The following TM2D1 variants were observed in gnomAD, a reference collection of about 807,000 sequenced individuals.
TM2D1 encodes TM2 domain-containing protein 1.
TM2D1 carries 15 observed loss-of-function variants against 28.4 expected under a neutral mutation model. The observed-to-expected ratio is 0.53, with a 90% CI of 0.35 to 0.81. The LOEUF (loss-of-function observed/expected upper bound fraction) is 0.81. Ranked by LOEUF, TM2D1 falls within the 40% of genes least tolerant of loss-of-function variation. The pLI, the probability that TM2D1 is intolerant of heterozygous loss-of-function variation, is 0.01. For synonymous variants in TM2D1, 93 were observed against 96.2 expected (o/e 0.97, Z 0.20); for missense variants, 236 against 254.9 (o/e 0.93, Z 0.50).
chr1:61,713,482 C>CA (rs1408870622), intron 2 of TM2D1, among the ~76,000 whole-genome samples: 49 of 29,752 alleles, frequency 1.6e-3, no homozygotes, highest in African/African-American at 6.2e-3. Flanking sequence ...CCCCGCAACT[C>CA]AAAAACAAAA....
chr1:61,688,803 G>A (rs934466625), intron 5 of TM2D1, among the ~76,000 whole-genome samples: 1 of 148,320 alleles, frequency 6.7e-6, no homozygotes, highest in Non-Finnish European at 1.5e-5. Context: ...CCAGCACTGT[G>A]GGAGGTTGAG....
chr1:61,705,667 T>C (rs1307173319), intron 3 of TM2D1, among the ~76,000 whole-genome samples: 2 of 152,134 alleles, frequency 1.3e-5, no homozygotes, highest in African/African-American at 4.8e-5. Flanking sequence ...TCTGCTGCCT[T>C]AGTGGAAAGG....
intron 3 of TM2D1, among the ~76,000 whole-genome samples, chr1:61,706,258 A>G (rs1644439536): frequency 6.6e-6 from 1 of 152,134 alleles, no homozygotes; most frequent in South Asian, 2.1e-4. Flanking sequence ...GCTGTAGTGC[A>G]GTAGCCATGA....
At chr1:61,719,447 G>A (rs1644544937) in intron 2 of TM2D1, among the ~76,000 whole-genome samples, 2 of 151,286 alleles carry the variant, frequency 1.3e-5, no homozygotes, top group African/African-American at 4.9e-5. Flanking sequence ...GTTAACAATT[G>A]GTCAATCTGG....
At chr1:61,709,493 G>A (rs968274868) in intron 2 of TM2D1, 56 bp from the exon 3 acceptor site, 16 of 1,244,928 alleles carry the variant, frequency 1.3e-5, no homozygotes, top group Middle Eastern at 1.9e-4. Flanking sequence ...GAAACAGTAT[G>A]TAATTGTTCT....
intron 5 of TM2D1, among the ~76,000 whole-genome samples, chr1:61,685,993 A>T (rs1287782191): frequency 2.0e-5 from 3 of 152,186 alleles, no homozygotes; most frequent in Non-Finnish European, 4.4e-5. Context: ...AGCCTGGGTG[A>T]CAAAATGCAA....
At chr1:61,698,144 A>G (rs1308772579) in intron 4 of TM2D1, 2 of 152,164 alleles carry the variant, frequency 1.3e-5, no homozygotes, top group Non-Finnish European at 2.9e-5. Context: ...TCCCTACTGA[A>G]CATTTAGCCT....
chr1:61,692,679 T>C (rs1183601817), intron 5 of TM2D1, among the ~76,000 whole-genome samples: 3 of 152,156 alleles, frequency 2.0e-5, no homozygotes, highest in Non-Finnish European at 4.4e-5. Flanking sequence ...GAGGATCGCT[T>C]AAGCCCAGGA....
chr1:61,681,876 T>G (rs1644245884), intron 6 of TM2D1, among the ~76,000 whole-genome samples: 1 of 152,230 alleles, frequency 6.6e-6, no homozygotes, highest in Non-Finnish European at 1.5e-5. Flanking sequence ...AGTTTTGCAC[T>G]AATTAGTTGC....
At chr1:61,706,041 GTCTT>G (rs1228087809) in intron 3 of TM2D1, among the ~76,000 whole-genome samples, 6 of 152,298 alleles carry the variant, frequency 3.9e-5, no homozygotes, top group South Asian at 2.1e-4. Flanking sequence ...GTATCGCTGA[GTCTT>G]TATTCAGTAG....
rs1644240898 is a variant in TM2D1, at chr1:61,681,147, T to C, written c.*223A>G. On this transcript the variant is annotated 3_prime_UTR_variant, in exon 7 of 7. Coordinates refer to ENST00000606498, the MANE Select transcript of TM2D1 (RefSeq NM_032027.3). ...TATCAGAGTAATAAGCTATCTCTCA[T>C]AGAGACAGAAGCCCGAGAAACACTA... 1 of 153,674 alleles carries C rather than the reference T, an allele frequency of 6.5e-6. No individual in the cohort carries two copies. The highest frequency in any genetic ancestry group is 2.4e-5 in the African/African-American group (1 of 41,458). 9.5% of individuals were successfully genotyped at this position (153,674 alleles called of 1,614,324 possible). A position where few individuals can be genotyped will look rare whatever the true frequency, so the allele number is the denominator to read the frequency against.
chr1:61,700,176 T>C, intron 4 of TM2D1: 7 of 1,526,946 alleles, frequency 4.6e-6, no homozygotes, highest in Non-Finnish European at 6.1e-6. Flanking sequence ...AATTTTCCTA[T>C]CCATAAAACA....
At chr1:61,717,780 A>G (rs750410112) in intron 2 of TM2D1, among the ~76,000 whole-genome samples, 6 of 152,126 alleles carry the variant, frequency 3.9e-5, no homozygotes, top group African/African-American at 1.4e-4. Context: ...CAAATGTTAA[A>G]CCAGAAATAA....
intron 2 of TM2D1, among the ~76,000 whole-genome samples, chr1:61,714,239 A>T (rs1644500950): frequency 2.0e-5 from 3 of 151,018 alleles, no homozygotes; most frequent in Non-Finnish European, 4.4e-5. Context: ...CTGGTAAAAA[A>T]TATTAAAAAC....
At chr1:61,694,574 GA>G in intron 5 of TM2D1, 122 bp downstream of exon 5, 4 of 599,210 alleles carry the variant, frequency 6.7e-6, no homozygotes, top group Non-Finnish European at 1.1e-5. Context: ...AGTACATGAA[GA>G]AAAATGGAAA....
intron 4 of TM2D1, 103 bp downstream of exon 4, chr1:61,700,831 A>G (rs958045796): frequency 4.9e-6 from 4 of 820,998 alleles, no homozygotes; most frequent in Non-Finnish European, 7.6e-6. Flanking sequence ...CTCCAATTAT[A>G]TAGAACTTAT....
intron 5 of TM2D1, among the ~76,000 whole-genome samples, chr1:61,687,179 T>C (rs1644290695): frequency 6.6e-6 from 1 of 152,126 alleles, no homozygotes; most frequent in Non-Finnish European, 1.5e-5. Context: ...TGTCTCTATT[T>C]GTAAAAACAA....
intron 3 of TM2D1, among the ~76,000 whole-genome samples, chr1:61,703,769 T>C (rs1380326552): frequency 7.1e-6 from 1 of 140,084 alleles, no homozygotes; most frequent in East Asian, 2.1e-4. Context: ...TTTTTTTTTT[T>C]TTTTGAGATG....
intron 5 of TM2D1, among the ~76,000 whole-genome samples, chr1:61,691,786 G>A (rs1644326723): frequency 6.6e-6 from 1 of 150,420 alleles, no homozygotes; most frequent in African/African-American, 2.4e-5. Context: ...GTAGTGGTGT[G>A]TGCCTGTAAT....
Sources: gnomAD v4.1 joint callset for allele counts (sites outside exome capture counted in the v4.1 genomes callset) on GRCh38, gnomAD v4.1.1 for gene constraint, MANE v1.5 for transcripts, NCBI Gene and HGNC (gene_info 2026-07-23, HGNC 2026-07-21) for gene names.